CSMD1: variants seen among roughly 807,000 people sequenced by gnomAD.
CSMD1 encodes the protein CUB and sushi domain-containing protein 1.
CSMD1 carries 213 observed loss-of-function variants against 417.5 expected under a neutral mutation model. That is an observed-to-expected ratio of 0.51 (90% CI 0.46 to 0.57). The LOEUF is 0.57. Among genes scored for constraint, CSMD1 ranks in the 20% least tolerant of loss-of-function variants. The pLI, the probability that CSMD1 is intolerant of heterozygous loss-of-function variation, is 0.00. For missense variants in CSMD1, 6,923 were observed against 4,529.7 expected (o/e 1.53, Z -15.17); for synonymous variants, 2,862 against 1,736.8 (o/e 1.65, Z -16.11).
chr8:4,923,711 G>C (rs536922746), intron 1 of CSMD1, among the ~76,000 whole-genome samples: 1 of 152,110 alleles, frequency 6.6e-6, no homozygotes, highest in South Asian at 2.1e-4. Flanking sequence ...CAGTGCTTGG[G>C]AGTTAGCATG....
chr8:4,336,482 C>T (rs10099342), intron 3 of CSMD1, among the ~76,000 whole-genome samples: 3,114 of 152,142 alleles, frequency 0.02, 90 homozygotes, highest in African/African-American at 0.065. Context: ...CCTTCAGACA[C>T]GGAAACACAG....
At chr8:4,156,385 G>T (rs141281657) in intron 3 of CSMD1, among the ~76,000 whole-genome samples, 4 of 152,104 alleles carry the variant, frequency 2.6e-5, no homozygotes, top group Non-Finnish European at 5.9e-5. Context: ...GAAGCCAATG[G>T]CAAGTCCATA....
intron 2 of CSMD1, among the ~76,000 whole-genome samples, chr8:4,548,170 A>T (rs7814036): frequency 4.6e-5 from 7 of 152,232 alleles, no homozygotes; most frequent in Middle Eastern, 3.4e-3. Flanking sequence ...GGAGACTCCT[A>T]CAAGAGCTTA....
chr8:2,977,029 A>G (rs1206133473), intron 55 of CSMD1, among the ~76,000 whole-genome samples: 4 of 152,144 alleles, frequency 2.6e-5, no homozygotes, highest in African/African-American at 9.6e-5. Flanking sequence ...CAAGCCAATT[A>G]CTATCAGGAT....
intron 8 of CSMD1, among the ~76,000 whole-genome samples, chr8:3,602,059 G>T (rs1032715106): frequency 6.6e-6 from 1 of 152,164 alleles, no homozygotes; most frequent in African/African-American, 2.4e-5. Context: ...AAGAATTCTG[G>T]AGATGGATGG....
In CSMD1 at chr8:3,439,154, C is replaced by CAAAAAAAAAAAAAAAAAAAAAAAAAAAA; in HGVS notation, c.1562-29550_1562-29549insTTTTTTTTTTTTTTTTTTTTTTTTTTTT. The stretch of plus-strand genomic sequence containing the variant: ...AAAAAAAAAAAAAAAAAAAAAAAAC[C>CAAAAAAAAAAAAAAAAAAAAAAAAAAAA]AAGAAAAAAAAAAGAAAAAGAAAAA... On this transcript the variant is annotated intron_variant, in intron 12 of 69. Transcript: ENST00000635120. Among the ~76,000 whole-genome samples, 108 of 26,590 alleles carry CAAAAAAAAAAAAAAAAAAAAAAAAAAAA rather than the reference C, an allele frequency of 4.1e-3. 16 individuals carry two copies. Among genetic ancestry groups the CAAAAAAAAAAAAAAAAAAAAAAAAAAAA allele is most frequent in the South Asian group, 7.4e-3 (5 of 674 alleles). 17.4% of individuals were successfully genotyped at this position (26,590 alleles called of 152,430 possible).
At chr8:3,292,922 C>A (rs539214730) in intron 25 of CSMD1, among the ~76,000 whole-genome samples, 4 of 151,968 alleles carry the variant, frequency 2.6e-5, no homozygotes, top group East Asian at 1.9e-4. Context: ...TTCCTAGTCT[C>A]GATGGTCTTT....
chr8:4,365,472 C>G lies in CSMD1; in HGVS notation c.415+54481G>C, dbSNP rs112371755. On this transcript the variant is annotated intron_variant, in intron 3 of 69. Coordinates refer to ENST00000635120, the MANE Select transcript of CSMD1 (RefSeq NM_033225.6). ...TTTTTAGATTGTCTGTTCTTTTTCT[C>G]CAAGTCTACTGGCCTTAGGGCAGTG... 5.9e-3 allele frequency among the ~76,000 whole-genome samples: 892 copies of G among 152,208 alleles called. 12 individuals are homozygous for G. The highest frequency in any genetic ancestry group is 0.02 in the African/African-American group (839 of 41,522).
At chr8:4,029,127 A>C (rs1430909986) in intron 4 of CSMD1, among the ~76,000 whole-genome samples, 1 of 152,200 alleles carries the variant, frequency 6.6e-6, no homozygotes, top group Non-Finnish European at 1.5e-5. Context: ...TTTTTAATAA[A>C]AAAGATAAAA....
chr8:4,486,355 G>C (rs1186137380), intron 2 of CSMD1, among the ~76,000 whole-genome samples: 2 of 149,288 alleles, frequency 1.3e-5, no homozygotes, highest in Non-Finnish European at 3.0e-5. Context: ...ATTCTACCAG[G>C]TTGCATCTTA....
At position 3,142,704 on chromosome 8, in the gene CSMD1, G is replaced by A. The variant is rs998390362; in HGVS notation, c.6032-30C>T. 9 of 1,530,004 alleles carry A rather than the reference G, an allele frequency of 5.9e-6. No individual in the cohort carries two copies. In the East Asian group the frequency reaches 2.0e-4, roughly 34 times the overall value. The allele number at this position is 1,530,004 out of a possible 1,614,324, so 94.8% of individuals were successfully genotyped here. Reference sequence around the variant, plus strand: ...GGAAAAACATGCAAACTTAATGAAAGTTCATATCAAAATGTATAAAATCAA... The same window carrying A: ...GGAAAAACATGCAAACTTAATGAAAATTCATATCAAAATGTATAAAATCAA... On this transcript the variant is annotated intron_variant, in intron 40 of 69. Coordinates refer to ENST00000635120, the MANE Select transcript of CSMD1 (RefSeq NM_033225.6).
chr8:4,547,197 C>T (rs1339766121), intron 2 of CSMD1, among the ~76,000 whole-genome samples: 3 of 152,110 alleles, frequency 2.0e-5, no homozygotes, highest in Non-Finnish European at 4.4e-5. Flanking sequence ...TAAACTAGGC[C>T]CCCGTTATCC....
intron 7 of CSMD1, among the ~76,000 whole-genome samples, chr8:3,629,350 C>G (rs9644347): frequency 1.3e-5 from 2 of 151,874 alleles, no homozygotes; most frequent in Admixed American, 1.3e-4. Flanking sequence ...CATTCAGATA[C>G]AGCGTCCTCC....
At position 3,406,142 on chromosome 8, in the gene CSMD1, G is replaced by C. The variant is rs757332410; in HGVS notation, c.2151C>G (p.Ser717Arg). The change falls in exon 15 of 70, where the codon AGC (serine) becomes AGG (arginine). Residue 717 changes from serine to arginine, a missense_variant. Physicochemically the swap from Ser to Arg is moderately radical, Grantham distance 110. Coordinates refer to ENST00000635120, the MANE Select transcript of CSMD1 (RefSeq NM_033225.6). ...CATCATCACAGTGGAAAGAAACCGA[G>C]CTCCCGAGTAGAAACCTGTCACCAA... is the stretch of plus-strand genomic sequence containing the variant. ...RRFGDRFLLG[S>R]SVSFHCDDGF... is the part of the protein sequence containing the mutation. The C allele has an allele frequency of 1.2e-6, 2 of 1,613,738 alleles. No homozygotes were observed. Among genetic ancestry groups the C allele is most frequent in the South Asian group, 1.1e-5 (1 of 91,044 alleles).
At chr8:3,445,861 T>C (rs1205720747) in intron 12 of CSMD1, among the ~76,000 whole-genome samples, 3 of 152,090 alleles carry the variant, frequency 2.0e-5, no homozygotes, top group African/African-American at 4.8e-5. Context: ...TAATTCAAGA[T>C]GGTATGTTAT....
chr8:4,386,537 C>A (rs1803467874), intron 3 of CSMD1, among the ~76,000 whole-genome samples: 1 of 152,220 alleles, frequency 6.6e-6, no homozygotes, highest in Non-Finnish European at 1.5e-5. Flanking sequence ...TAAAGAGGAA[C>A]TTAAAGCAAG....
At chr8:3,801,757 T>C (rs1440195260) in intron 5 of CSMD1, among the ~76,000 whole-genome samples, 1 of 152,102 alleles carries the variant, frequency 6.6e-6, no homozygotes, top group African/African-American at 2.4e-5. Flanking sequence ...GACAAACTAA[T>C]ATAGCATACA....
chr8:3,052,378 G>C (rs1376437035), intron 50 of CSMD1, 84 bp downstream of exon 50: 8 of 1,028,392 alleles, frequency 7.8e-6, no homozygotes, highest in Non-Finnish European at 1.1e-5. Context: ...GAGGACCTCT[G>C]AACGTGGGAA....
At chr8:2,981,654 G>C (rs562625233) in intron 54 of CSMD1, among the ~76,000 whole-genome samples, 3 of 152,274 alleles carry the variant, frequency 2.0e-5, no homozygotes, top group East Asian at 1.9e-4. Context: ...TTGTCAGCTG[G>C]AAGGAATGAG....
Sources: allele counts gnomAD v4.1 joint callset (sites outside exome capture counted in the v4.1 genomes callset), GRCh38; gene constraint gnomAD v4.1.1; transcripts MANE v1.5; gene names NCBI Gene and HGNC (gene_info 2026-07-23, HGNC 2026-07-21).